The following GPHN variants were observed in gnomAD, a reference collection of about 807,000 sequenced individuals.
GPHN encodes gephyrin.
Under a neutral mutation model 95.5 loss-of-function variants are expected in GPHN, and 17 were observed. That is an observed-to-expected ratio of 0.18 (90% CI 0.12 to 0.27). The LOEUF (loss-of-function observed/expected upper bound fraction) is 0.27, where lower values mean the gene tolerates loss of function less well. GPHN is among the 10% of genes least tolerant of loss of function. The probability of loss-of-function intolerance (pLI) is 1.00; values close to 1 mark genes in which losing one functional copy is unlikely to be tolerated. For missense variants in GPHN, 660 were observed against 978.1 expected (o/e 0.67, Z 4.34); for synonymous variants, 320 against 322.5 (o/e 0.99, Z 0.08).
chr14:67,184,956 G>T (rs1305248727), downstream of GPHN, among the ~76,000 whole-genome samples: 1 of 152,170 alleles, frequency 6.6e-6, no homozygotes. Flanking sequence ...AAGGAGGAGA[G>T]TCTCAAGAAG....
At chr14:67,082,407 T>TA (rs2076727159) in intron 11 of GPHN, among the ~76,000 whole-genome samples, 1 of 152,178 alleles carries the variant, frequency 6.6e-6, no homozygotes, top group South Asian at 2.1e-4. Context: ...CCCCATTGAG[T>TA]GGTCTTGACA....
At chr14:67,193,404 T>G in the GPHN span, among the ~76,000 whole-genome samples, 1 of 141,232 alleles carries the variant, frequency 7.1e-6, no homozygotes, top group African/African-American at 2.6e-5. Flanking sequence ...TATCTAGATA[T>G]ATATCTATAT....
intron 2 of GPHN, among the ~76,000 whole-genome samples, chr14:66,751,204 A>G (rs2058350998): frequency 6.6e-6 from 1 of 152,046 alleles, no homozygotes; most frequent in Admixed American, 6.6e-5. Context: ...CTTTGGATAT[A>G]TACCCAATAA....
At chr14:67,526,513 C>T in the GPHN span, among the ~76,000 whole-genome samples, 5 of 152,222 alleles carry the variant, frequency 3.3e-5, no homozygotes, top group South Asian at 4.1e-4. Context: ...CCATCTTTTC[C>T]TAGTCTTTTA....
chr14:66,756,998 T>G (rs1178953034), intron 2 of GPHN, among the ~76,000 whole-genome samples: 2 of 152,180 alleles, frequency 1.3e-5, no homozygotes, highest in Non-Finnish European at 2.9e-5. Context: ...CCACAGATAC[T>G]TGAGTTCAGC....
chr14:67,012,120 A>G (rs2073050604), intron 9 of GPHN, among the ~76,000 whole-genome samples: 2 of 152,214 alleles, frequency 1.3e-5, no homozygotes, highest in Non-Finnish European at 2.9e-5. Context: ...AATGATTGCT[A>G]AAAAGAGAAA....
the GPHN span, among the ~76,000 whole-genome samples, chr14:67,253,058 A>G: frequency 6.6e-6 from 1 of 152,238 alleles, no homozygotes; most frequent in Non-Finnish European, 1.5e-5. Flanking sequence ...TTACAGTACT[A>G]TCACTGACTT....
the GPHN span, among the ~76,000 whole-genome samples, chr14:67,245,747 T>C: frequency 6.6e-6 from 1 of 152,186 alleles, no homozygotes; most frequent in Non-Finnish European, 1.5e-5. Flanking sequence ...CTATACTTCA[T>C]TACTTTTGAA....
the GPHN span, chr14:67,447,693 A>G: frequency 6.6e-6 from 1 of 152,244 alleles, no homozygotes; most frequent in Non-Finnish European, 1.5e-5. Flanking sequence ...GGCTATGGCA[A>G]GGTTCTCGTC....
chr14:66,753,400 A>G (rs1237901148), intron 2 of GPHN, among the ~76,000 whole-genome samples: 3 of 152,044 alleles, frequency 2.0e-5, no homozygotes, highest in Non-Finnish European at 2.9e-5. Flanking sequence ...TGGAGCAGCC[A>G]TTTTTTAAGC....
intron 13 of GPHN, among the ~76,000 whole-genome samples, chr14:67,108,225 C>T (rs1240652058): frequency 6.6e-6 from 1 of 152,144 alleles, no homozygotes; most frequent in South Asian, 2.1e-4. Flanking sequence ...TGCCCAACAG[C>T]AGCTCTTGCT....
chr14:67,696,974 C>T, the GPHN span, among the ~76,000 whole-genome samples: 2 of 152,208 alleles, frequency 1.3e-5, no homozygotes, highest in Non-Finnish European at 2.9e-5. Flanking sequence ...GCAATCATCA[C>T]ATTTTGTCAC....
chr14:67,206,636 T>C, the GPHN span, among the ~76,000 whole-genome samples: 3 of 152,148 alleles, frequency 2.0e-5, no homozygotes, highest in African/African-American at 7.2e-5. Context: ...TTCAAGATGA[T>C]CTAAGTAGAC....
chr14:66,887,508 G>A (rs941509052), intron 5 of GPHN, among the ~76,000 whole-genome samples: 3 of 152,150 alleles, frequency 2.0e-5, no homozygotes, highest in Non-Finnish European at 4.4e-5. Flanking sequence ...CTAGGAGGTG[G>A]AGGTTGCAGT....
intron 2 of GPHN, among the ~76,000 whole-genome samples, chr14:66,697,546 C>T (rs1477239707): frequency 1.3e-5 from 2 of 151,836 alleles, no homozygotes; most frequent in Non-Finnish European, 2.9e-5. Context: ...TTTTCTCTGG[C>T]TTCTGTCATG....
At chr14:67,670,963 T>A in the GPHN span, among the ~76,000 whole-genome samples, 1 of 152,364 alleles carries the variant, frequency 6.6e-6, no homozygotes, top group South Asian at 2.1e-4. Flanking sequence ...GACTGTATTA[T>A]GTACATTATG....
At chr14:67,524,085 C>T in the GPHN span, among the ~76,000 whole-genome samples, 1 of 151,990 alleles carries the variant, frequency 6.6e-6, no homozygotes, top group Non-Finnish European at 1.5e-5. Context: ...TTGTAAATGC[C>T]CTGTAGTTGT....
intron 2 of GPHN, among the ~76,000 whole-genome samples, chr14:66,723,420 A>G (rs1214950840): frequency 6.6e-6 from 1 of 151,938 alleles, no homozygotes; most frequent in Non-Finnish European, 1.5e-5. Flanking sequence ...GCTTTCATCT[A>G]TTTAATTCAC....
At chr14:67,542,050 G>A in the GPHN span, 274 of 1,480,780 alleles carry the variant, frequency 1.9e-4, no homozygotes, top group Middle Eastern at 2.2e-3. Context: ...ATGGCAGGGA[G>A]GGCCGTGTGA....
Sources: allele counts gnomAD v4.1 joint callset (sites outside exome capture counted in the v4.1 genomes callset), GRCh38; gene constraint gnomAD v4.1.1; transcripts MANE v1.5; gene names NCBI Gene and HGNC (gene_info 2026-07-23, HGNC 2026-07-21).